BTAF1: variants seen among roughly 807,000 people sequenced by gnomAD.
BTAF1 encodes the protein TATA-binding protein-associated factor 172.
BTAF1 carries 38 observed loss-of-function variants against 227.1 expected under a neutral mutation model. That is an observed-to-expected ratio of 0.17 (90% CI 0.13 to 0.22). The LOEUF (loss-of-function observed/expected upper bound fraction) is 0.22. BTAF1 is among the 10% of genes least tolerant of loss of function. BTAF1 has a pLI of 1.00. For synonymous variants in BTAF1, 742 were observed against 751.9 expected (o/e 0.99, Z 0.21); for missense variants, 1,598 against 2,204.0 (o/e 0.73, Z 5.51).
chr10:91,979,020 T>C (rs1224873822), intron 14 of BTAF1, among the ~76,000 whole-genome samples: 1 of 152,080 alleles, frequency 6.6e-6, no homozygotes, highest in East Asian at 1.9e-4. Context: ...TTTGTTCCTC[T>C]CTTTGTGTCC....
At chr10:92,009,400 AT>A (rs1564714620) in intron 28 of BTAF1, among the ~76,000 whole-genome samples, 192 bp downstream of exon 28, 41 of 152,358 alleles carry the variant, frequency 2.7e-4, no homozygotes, top group African/African-American at 9.9e-4. Flanking sequence ...AATTTTAACC[AT>A]TGTACAATAA....
chr10:91,996,148 A>G (rs573887929), intron 23 of BTAF1, among the ~76,000 whole-genome samples: 2 of 152,316 alleles, frequency 1.3e-5, no homozygotes, highest in Admixed American at 6.5e-5. Context: ...CAGAGGTTCT[A>G]TACCTTTTTT....
chr10:91,941,190 T>A (rs1464007665), intron 3 of BTAF1, among the ~76,000 whole-genome samples: 2 of 152,238 alleles, frequency 1.3e-5, no homozygotes, highest in Non-Finnish European at 2.9e-5. Context: ...CCTTTTCAGC[T>A]TGTTATCCCC....
At chr10:91,983,847 T>C (rs567321567) in intron 18 of BTAF1, among the ~76,000 whole-genome samples, 18 of 152,246 alleles carry the variant, frequency 1.2e-4, no homozygotes, top group African/African-American at 4.3e-4. Flanking sequence ...ATAATGAGTT[T>C]TTAAATAACA....
intron 13 of BTAF1, 43 bp downstream of exon 13, chr10:91,964,244 A>G: frequency 8.2e-6 from 13 of 1,579,296 alleles, no homozygotes; most frequent in Non-Finnish European, 1.0e-5. Flanking sequence ...AAGTCTTTAC[A>G]TACCTTTCGA....
chr10:91,981,829 T>C (rs1277064038), intron 16 of BTAF1, 37 bp downstream of exon 16: 9 of 1,577,908 alleles, frequency 5.7e-6, no homozygotes, highest in Non-Finnish European at 7.7e-6. Context: ...TGTGTGTTCA[T>C]CATCTAATTA....
chr10:91,929,977 A>G (rs1844164615), intron 1 of BTAF1, among the ~76,000 whole-genome samples: 1 of 152,242 alleles, frequency 6.6e-6, no homozygotes. Flanking sequence ...GGCATTAATC[A>G]AAGCTTTTCC....
At position 91,982,570 on chromosome 10, in the gene BTAF1, C is replaced by G; in HGVS notation, c.2049-17C>G. Reference sequence around the variant, plus strand: ...TCAAGTAATTTCTTATAGTAACTTCCTTTTTCTCCCTCTTAGGTTGTTAGG... The same window carrying G: ...TCAAGTAATTTCTTATAGTAACTTCGTTTTTCTCCCTCTTAGGTTGTTAGG... On this transcript the variant is annotated splice_polypyrimidine_tract_variant and intron_variant, in intron 17 of 37. Coordinates refer to ENST00000265990, the MANE Select transcript of BTAF1 (RefSeq NM_003972.3). The G allele has an allele frequency of 6.3e-7, 1 of 1,577,012 alleles. No individual in the cohort carries two copies. Among genetic ancestry groups the G allele is most frequent in the South Asian group, 1.2e-5 (1 of 85,164 alleles).
chr10:92,024,836 G>A lies in BTAF1; in HGVS notation c.4944G>A (p.Leu1648=), dbSNP rs757697114. The A allele has an allele frequency of 5.6e-5, 91 of 1,612,866 alleles. No homozygotes were observed. The highest frequency in any genetic ancestry group is 2.5e-6 in the Non-Finnish European group (3 of 1,179,812). ...TESVVAQHRI[L]IFCQLKSMLD... Reference sequence around the variant, plus strand: ...CTGTTGTGGCCCAGCACAGGATACTGATATTCTGTCAGCTGAAAAGCATGC... The same window carrying A: ...CTGTTGTGGCCCAGCACAGGATACTAATATTCTGTCAGCTGAAAAGCATGC... Residue 1648 remains leucine, a synonymous_variant, in exon 35 of 38, where the codon CTG becomes CTA. Transcript: ENST00000265990.
chr10:91,951,552 G>A lies in BTAF1; in HGVS notation c.550G>A (p.Val184Ile), dbSNP rs1194663929. Residue 184 changes from valine (V) to isoleucine (I), a missense_variant, in exon 5 of 38, where the codon GTT becomes ATT. This residue lies in a region of BTAF1 where 298 missense variants were observed against 395.2 expected (regional missense o/e 0.75). Transcript: ENST00000265990. ...TTATACCCCAACTTCAGCATCCTTT[G>A]TTAACAAACAACCTGTAGGTAAAAC... ...LDYTPTSASF[V>I]NKQPTLQAAE... 1 of 1,599,296 alleles carries A rather than the reference G, an allele frequency of 6.3e-7. No individual in the cohort carries two copies. Among genetic ancestry groups the A allele is most frequent in the South Asian group, 1.2e-5 (1 of 86,816 alleles).
chr10:92,022,788 A>G (rs833367), intron 34 of BTAF1, among the ~76,000 whole-genome samples: 45,896 of 152,048 alleles, frequency 0.3, 8,518 homozygotes, highest in South Asian at 0.52. Context: ...GGACTTTTTA[A>G]AAGAAACAGC....
At chr10:91,951,137 C>G (rs1354674397) in intron 4 of BTAF1, among the ~76,000 whole-genome samples, 3 of 151,972 alleles carry the variant, frequency 2.0e-5, no homozygotes, top group Non-Finnish European at 4.4e-5. Flanking sequence ...AGGAATGAAT[C>G]TTATTATTTT....
intron 18 of BTAF1, 109 bp from the exon 19 acceptor site, chr10:91,984,092 A>G: frequency 1.1e-6 from 1 of 906,934 alleles, no homozygotes. Context: ...CAGAATATAG[A>G]TTCAGTACAA....
intron 1 of BTAF1, among the ~76,000 whole-genome samples, chr10:91,924,771 T>A (rs915410178): frequency 6.6e-6 from 1 of 152,186 alleles, no homozygotes; most frequent in Non-Finnish European, 1.5e-5. Context: ...GACATTTATT[T>A]GTATAGCTAT....
chr10:91,955,705 G>A (rs2133875303), intron 6 of BTAF1, among the ~76,000 whole-genome samples: 1 of 152,202 alleles, frequency 6.6e-6, no homozygotes, highest in South Asian at 2.1e-4. Context: ...GAATTACAAG[G>A]ACAAATGCCT....
intron 26 of BTAF1, 91 bp from the exon 27 acceptor site, chr10:92,008,738 G>A: frequency 8.1e-7 from 1 of 1,228,272 alleles, no homozygotes; most frequent in East Asian, 2.6e-5. Flanking sequence ...AAATATTTTT[G>A]TTTTGTGCAA....
Position 92,001,983 on chromosome 10 carries a change from TATACACAC to T in BTAF1, c.3660+4234_3660+4241del, listed in dbSNP as rs1205722637. 4.9e-3 allele frequency among the ~76,000 whole-genome samples: 441 copies of T among 89,310 alleles called. 2 individuals are homozygous for T. The highest frequency in any genetic ancestry group is 0.014 in the African/African-American group (423 of 29,944). The allele number at this position is 89,310 out of a possible 152,430, so 58.6% of individuals were successfully genotyped here. A position where few individuals can be genotyped will look rare whatever the true frequency, so the allele number is the denominator to read the frequency against. On this transcript the variant is annotated intron_variant, in intron 25 of 37. Coordinates refer to ENST00000265990, the MANE Select transcript of BTAF1 (RefSeq NM_003972.3). ...AAAAAAAAAACCATATATATATATA[TATACACAC>T]ACACACACACACACACACACACACT...
rs1256838673 is a variant in BTAF1 at position 91,991,279 on chromosome 10, T to TATATATATATATATATATATAA, written c.2855-827_2855-826insTATATATAAATATATATATATA. On this transcript the variant is annotated intron_variant, in intron 20 of 37. Transcript: ENST00000265990. ...ATATAAATATAAATATAAATATATA[T>TATATATATATATATATATATAA]ATATATATATATAAATTATCCGGAC... Among the ~76,000 whole-genome samples the TATATATATATATATATATATAA allele has an allele frequency of 2.8e-3, 277 of 98,382 alleles. 6 individuals are homozygous for TATATATATATATATATATATAA. The highest frequency in any genetic ancestry group is 0.014 in the East Asian group (40 of 2,832). The allele number at this position is 98,382 out of a possible 152,430, so 64.5% of individuals were successfully genotyped here. A position where few individuals can be genotyped will look rare whatever the true frequency, so the allele number is the denominator to read the frequency against.
At chr10:91,994,191 T>C (rs1848989242) in intron 22 of BTAF1, among the ~76,000 whole-genome samples, 1 of 151,960 alleles carries the variant, frequency 6.6e-6, no homozygotes, top group South Asian at 2.1e-4. Flanking sequence ...TCCCAGCTAC[T>C]CTGGAGGCTG....
Sources: gnomAD v4.1 joint callset for allele counts (sites outside exome capture counted in the v4.1 genomes callset) on GRCh38, gnomAD v4.1.1 for gene constraint, gnomAD v4.1.1 regional missense constraint, MANE v1.5 for transcripts, NCBI Gene and HGNC (gene_info 2026-07-23, HGNC 2026-07-21) for gene names.